Variants in TCERG1L observed in about 807,000 individuals in gnomAD.
The protein encoded by TCERG1L is transcription elongation regulator 1-like protein.
Under a neutral mutation model 56.3 loss-of-function variants are expected in TCERG1L, and 37 were observed. The ratio of observed to expected loss-of-function variants is 0.66; its 90% CI spans 0.51 to 0.87. The LOEUF (loss-of-function observed/expected upper bound fraction) is 0.87. Ranked by LOEUF, TCERG1L falls within the 40% of genes least tolerant of loss-of-function variation. The probability of loss-of-function intolerance (pLI) is 0.00; values close to 1 mark genes in which losing one functional copy is unlikely to be tolerated. For synonymous variants in TCERG1L, 324 were observed against 326.3 expected (o/e 0.99, Z 0.08); for missense variants, 799 against 774.2 (o/e 1.03, Z -0.38).
chr10:131,227,478 G>A (rs1052152487), intron 4 of TCERG1L, among the ~76,000 whole-genome samples: 9 of 152,272 alleles, frequency 5.9e-5, no homozygotes, highest in South Asian at 4.1e-4. Context: ...AAGAGCCACC[G>A]CCTCCCCGCT....
Position 131,131,075 on chromosome 10 carries a change from G to A in TCERG1L, c.1259+3304C>T, listed in dbSNP as rs75380264. On this transcript the variant is annotated intron_variant, in intron 8 of 11. Transcript: ENST00000368642. Reference sequence around the variant, plus strand: ...ATTTCACAAGCCCTGGGCCACAGCCGCACAAAACAATCTGATGACTTAAGA... The same window carrying A: ...ATTTCACAAGCCCTGGGCCACAGCCACACAAAACAATCTGATGACTTAAGA... 3.4e-3 allele frequency among the ~76,000 whole-genome samples: 524 copies of A among 152,284 alleles called. 4 individuals carry two copies. The highest frequency in any genetic ancestry group is 9.3e-3 in the East Asian group (48 of 5,176).
chr10:131,130,901 G>A (rs537046672), intron 8 of TCERG1L, among the ~76,000 whole-genome samples: 7 of 152,114 alleles, frequency 4.6e-5, no homozygotes, highest in Admixed American at 2.6e-4. Flanking sequence ...CTGCAGGGAC[G>A]GGCATCAACC....
intron 6 of TCERG1L, among the ~76,000 whole-genome samples, chr10:131,148,445 T>TACACACATAAAC (rs1206707050): frequency 2.5e-4 from 35 of 139,294 alleles, no homozygotes; most frequent in African/African-American, 8.7e-4. Context: ...CATGCAGAGA[T>TACACACATAAAC]ACACACATAA....
chr10:131,288,423 G>A (rs78938516), intron 3 of TCERG1L, among the ~76,000 whole-genome samples: 1 of 152,156 alleles, frequency 6.6e-6, no homozygotes, highest in Non-Finnish European at 1.5e-5. Flanking sequence ...ATGGTCACGT[G>A]GATGCAGACC....
chr10:131,120,932 C>T (rs1285312893), intron 8 of TCERG1L, among the ~76,000 whole-genome samples: 1 of 152,198 alleles, frequency 6.6e-6, no homozygotes, highest in Non-Finnish European at 1.5e-5. Context: ...CTCCTCACTG[C>T]CCAAGGAGCT....
At chr10:131,238,489 G>A (rs1223545301) in intron 4 of TCERG1L, among the ~76,000 whole-genome samples, 2 of 152,172 alleles carry the variant, frequency 1.3e-5, no homozygotes, top group African/African-American at 4.8e-5. Context: ...ACCCCAGCAA[G>A]CAGGGACCGG....
intron 3 of TCERG1L, among the ~76,000 whole-genome samples, chr10:131,297,254 C>G (rs961146259): frequency 6.6e-6 from 1 of 152,130 alleles, no homozygotes; most frequent in Non-Finnish European, 1.5e-5. Flanking sequence ...GAGTTACACA[C>G]GGTTTTTTGT....
intron 4 of TCERG1L, among the ~76,000 whole-genome samples, chr10:131,185,496 T>C (rs1467168653): frequency 6.6e-6 from 1 of 152,174 alleles, no homozygotes; most frequent in Non-Finnish European, 1.5e-5. Context: ...GATAAAGGCC[T>C]GGTCTGGTAT....
In TCERG1L at chr10:131,311,655, G is replaced by C; in HGVS notation, c.-20C>G. The C allele has an allele frequency of 6.3e-6, 7 of 1,102,476 alleles. No homozygotes were observed. Among genetic ancestry groups the C allele is most frequent in the Non-Finnish European group, 7.8e-6 (7 of 903,218 alleles). 68.3% of individuals were successfully genotyped at this position (1,102,476 alleles called of 1,614,324 possible). A position where few individuals can be genotyped will look rare whatever the true frequency, so the allele number is the denominator to read the frequency against. ...CTGCATCCTACATCCCCGCGCTGAC[G>C]GCGGCGGCGGGGGCGGCGGGCGCCC... On this transcript the variant is annotated 5_prime_UTR_variant, in exon 1 of 12. Coordinates refer to ENST00000368642, the MANE Select transcript of TCERG1L (RefSeq NM_174937.4). The surrounding 1 kb of genome is among the most constrained non-coding windows in gnomAD (Gnocchi z 4.0).
At chr10:131,250,267 G>C (rs939380762) in intron 4 of TCERG1L, among the ~76,000 whole-genome samples, 3 of 152,218 alleles carry the variant, frequency 2.0e-5, no homozygotes, top group Non-Finnish European at 4.4e-5. Context: ...AGAAGTAAAA[G>C]GAAATTGCTA....
intron 4 of TCERG1L, among the ~76,000 whole-genome samples, chr10:131,245,542 C>T (rs767057224): frequency 2.0e-4 from 31 of 152,256 alleles, no homozygotes; most frequent in African/African-American, 3.8e-4. Context: ...GGCGGCTCTC[C>T]GGGGGCAGCG....
chr10:131,300,396 C>T lies in TCERG1L; in HGVS notation c.670+7815G>A, dbSNP rs144535213. ...TAAGTTAAACCATTTGATATTCTCT[C>T]CTGGCTCTGGAAAAAGGCGTTCCAT... On this transcript the variant is annotated intron_variant, in intron 3 of 11. Coordinates refer to ENST00000368642, the MANE Select transcript of TCERG1L (RefSeq NM_174937.4). 4.6e-5 allele frequency among the ~76,000 whole-genome samples: 7 copies of T among 152,258 alleles called. No individual in the cohort carries two copies. In the South Asian group the frequency reaches 1.4e-3, roughly 32 times the overall value.
chr10:131,179,762 C>T (rs1845150986), intron 4 of TCERG1L, among the ~76,000 whole-genome samples: 1 of 152,208 alleles, frequency 6.6e-6, no homozygotes, highest in Admixed American at 6.5e-5. Flanking sequence ...GAAGCAGCTG[C>T]ATGCGTCGCT....
intron 4 of TCERG1L, among the ~76,000 whole-genome samples, chr10:131,249,687 G>A (rs938882596): frequency 3.3e-5 from 5 of 152,120 alleles, no homozygotes; most frequent in Non-Finnish European, 7.3e-5. Flanking sequence ...GTCTAAACTG[G>A]AATCACATAT....
chr10:131,171,656 T>A (rs903862233), intron 4 of TCERG1L, among the ~76,000 whole-genome samples: 4 of 152,176 alleles, frequency 2.6e-5, no homozygotes, highest in African/African-American at 9.7e-5. Context: ...CTTCAAGTGA[T>A]TCTCCTGTCC....
chr10:131,230,297 A>G (rs1343192755), intron 4 of TCERG1L, among the ~76,000 whole-genome samples: 6 of 152,198 alleles, frequency 3.9e-5, no homozygotes, highest in Non-Finnish European at 7.3e-5. Flanking sequence ...TGGGTGCACT[A>G]TTCTGAACAG....
At chr10:131,285,194 A>G (rs1846508150) in intron 3 of TCERG1L, among the ~76,000 whole-genome samples, 1 of 151,974 alleles carries the variant, frequency 6.6e-6, no homozygotes, top group African/African-American at 2.4e-5. Flanking sequence ...CCTGGCCAAC[A>G]TGGTAAAACC....
At chr10:131,174,309 C>T (rs767610785) in intron 4 of TCERG1L, among the ~76,000 whole-genome samples, 16 of 152,350 alleles carry the variant, frequency 1.1e-4, no homozygotes, top group Admixed American at 5.9e-4. Flanking sequence ...GCATCACGCC[C>T]GGCCGCACAG....
rs201787542 is a variant in TCERG1L at position 131,260,266 on chromosome 10, G to A, written c.849C>T (p.Pro283=). ...APIKIPLRTS[P]VSDTRTERGR... ...ACGGCGCTCCGAGCCTACCTGAGAC[G>A]GGGGACGTCCGGAGGGGTATTTTGA... Residue 283 remains proline (P), a synonymous_variant, in exon 4 of 12, where the codon CCC becomes CCT. Coordinates refer to ENST00000368642, the MANE Select transcript of TCERG1L (RefSeq NM_174937.4). This position sits in a 1 kb window ranked among gnomAD's most constrained non-coding sequence, Gnocchi z 5.8. The A allele has an allele frequency of 5.4e-5, 74 of 1,364,284 alleles. No individual in the cohort carries two copies. The highest frequency in any genetic ancestry group is 1.6e-4 in the African/African-American group (11 of 66,802). The allele number at this position is 1,364,284 out of a possible 1,614,324, so 84.5% of individuals were successfully genotyped here.
Sources: allele counts gnomAD v4.1 joint callset (sites outside exome capture counted in the v4.1 genomes callset), GRCh38; gene constraint gnomAD v4.1.1; non-coding constraint Gnocchi (gnomAD v3.1); transcripts MANE v1.5; gene names NCBI Gene and HGNC (gene_info 2026-07-23, HGNC 2026-07-21).